ZNF765: variants seen among roughly 807,000 people sequenced by gnomAD.
The protein encoded by ZNF765 is zinc finger protein 765.
Under a neutral mutation model 44.7 loss-of-function variants are expected in ZNF765, and 37 were observed. The ratio of observed to expected loss-of-function variants is 0.83; its 90% confidence interval spans 0.64 to 1.09. ZNF765 has a LOEUF of 1.09. ZNF765 is among the 50% of genes least tolerant of loss of function. The pLI is 0.00. For missense variants in ZNF765, 594 were observed against 626.1 expected (o/e 0.95, Z 0.55); for synonymous variants, 201 against 213.7 (o/e 0.94, Z 0.52).
chr19:53,406,987 T>TA (rs2147096359), intron 3 of ZNF765, among the ~76,000 whole-genome samples: 1 of 152,300 alleles, frequency 6.6e-6, no homozygotes, highest in African/African-American at 2.4e-5. Context: ...TAGGTAATTT[T>TA]ATGACAGTTA....
Position 53,408,847 on chromosome 19 carries a change from T to A in ZNF765, c.1292T>A (p.Leu431His). The part of the protein sequence containing the change: ...NQQLTLNICR[L>H]HSGEKPYKCE... Reference sequence around the variant, plus strand: ...CAGTTAACCCTTAACATTTGTAGACTTCATAGTGGAGAGAAACCTTACAAA... The same window carrying A: ...CAGTTAACCCTTAACATTTGTAGACATCATAGTGGAGAGAAACCTTACAAA... Residue 431 changes from leucine (L) to histidine (H), a missense_variant, in exon 4 of 4, where the codon CTT becomes CAT. This residue lies in a region of ZNF765 where 567 missense variants were observed against 572.6 expected (regional missense o/e 0.99). Transcript: ENST00000396408. 1 of 1,613,932 alleles carries A rather than the reference T, an allele frequency of 6.2e-7. No individual in the cohort carries two copies. The highest frequency in any genetic ancestry group is 8.5e-7 in the Non-Finnish European group (1 of 1,179,958).
intron 3 of ZNF765, among the ~76,000 whole-genome samples, chr19:53,407,098 G>A (rs894591871): frequency 1.3e-5 from 2 of 152,002 alleles, no homozygotes; most frequent in Non-Finnish European, 2.9e-5. Flanking sequence ...TGCAACCTTT[G>A]CCTCTTGGGT....
At chr19:53,400,848 T>C (rs2085718989) in intron 2 of ZNF765, among the ~76,000 whole-genome samples, 1 of 150,616 alleles carries the variant, frequency 6.6e-6, no homozygotes, top group African/African-American at 2.4e-5. Context: ...TTTCTTTTGT[T>C]TTGAGACTGG....
chr19:53,412,986 A>G (rs750823413), downstream of ZNF765, among the ~76,000 whole-genome samples: 1 of 152,172 alleles, frequency 6.6e-6, no homozygotes, highest in Non-Finnish European at 1.5e-5. Context: ...GGCAGATGCC[A>G]GTAATCCCAG....
At chr19:53,418,890 G>A (rs73593166) in intron 3 of ZNF765, among the ~76,000 whole-genome samples, 6,287 of 129,224 alleles carry the variant, frequency 0.049, 282 homozygotes, top group African/African-American at 0.12. Flanking sequence ...GGGCATAAGA[G>A]CGAAACTCCG....
chr19:53,406,040 T>C (rs1209976756), intron 3 of ZNF765, among the ~76,000 whole-genome samples: 3 of 96,320 alleles, frequency 3.1e-5, no homozygotes, highest in Non-Finnish European at 6.7e-5. Context: ...TTTTTTTTTT[T>C]TTTTTTGGAG....
intron 3 of ZNF765, among the ~76,000 whole-genome samples, chr19:53,418,952 C>G (rs960173677): frequency 7.0e-6 from 1 of 142,324 alleles, no homozygotes; most frequent in African/African-American, 2.6e-5. Flanking sequence ...GTGATCACAT[C>G]AAGAAAAGCG....
At chr19:53,413,930 C>A (rs368821057), downstream of ZNF765, among the ~76,000 whole-genome samples, 646 of 79,614 alleles carry the variant, frequency 8.1e-3, no homozygotes, top group South Asian at 0.013. Flanking sequence ...GCTAGAAAGA[C>A]AAAAAAAAAA....
chr19:53,399,082 T>C (rs2085697478), intron 2 of ZNF765, among the ~76,000 whole-genome samples: 1 of 151,726 alleles, frequency 6.6e-6, no homozygotes, highest in African/African-American at 2.4e-5. Context: ...ATATTTTTCT[T>C]TTTTTTAAAA....
chr19:53,419,419 ATTGAAAACATAAGGAGTCTG>A (rs1454028976), intron 3 of ZNF765, among the ~76,000 whole-genome samples: 2 of 152,314 alleles, frequency 1.3e-5, no homozygotes, highest in African/African-American at 4.8e-5. Flanking sequence ...TTGTTTCTCT[ATTGAAAACATAAGGAGTCTG>A]TTGATTATGG....
rs774053654 is a variant in ZNF765 at position 53,409,072 on chromosome 19, A to G, written c.1517A>G (p.Lys506Arg). 2 of 1,614,062 alleles carry G rather than the reference A, an allele frequency of 1.2e-6. No homozygotes were observed. Among genetic ancestry groups the G allele is most frequent in the Admixed American group, 3.3e-5 (2 of 60,014 alleles). ...CEDCDEAFSF[K>R]SNLERHRRIY... ...GATTGTGATGAAGCTTTCAGTTTCAAATCAAACCTTGAAAGACATAGGAGA... is the reference window on the plus strand; with the variant it reads ...GATTGTGATGAAGCTTTCAGTTTCAGATCAAACCTTGAAAGACATAGGAGA... Residue 506 changes from lysine (K) to arginine (R), a missense_variant, in exon 4 of 4, where the codon AAA becomes AGA. Around this residue, in one of 2 missense-constraint regions of ZNF765, gnomAD observed 567 missense variants for 572.6 expected, o/e 0.99. Transcript: ENST00000396408.
At chr19:53,417,922 G>A (rs986830619) in intron 3 of ZNF765, among the ~76,000 whole-genome samples, 3 of 152,100 alleles carry the variant, frequency 2.0e-5, no homozygotes, top group African/African-American at 4.8e-5. Context: ...CGTAGTGTGC[G>A]TTCAGTCCCT....
downstream of ZNF765, among the ~76,000 whole-genome samples, chr19:53,413,774 C>G (rs996607957): frequency 7.3e-5 from 11 of 151,226 alleles, no homozygotes; most frequent in African/African-American, 2.7e-4. Context: ...TTGGAAAAAT[C>G]TACATAAAAC....
downstream of ZNF765, chr19:53,413,132 T>C (rs1180371439): frequency 4.2e-6 from 2 of 481,504 alleles, no homozygotes; most frequent in Admixed American, 5.3e-5. Context: ...AAAAAAGATG[T>C]CAAGCCTCTT....
At position 53,409,519 on chromosome 19, in the gene ZNF765, A is replaced by G; in HGVS notation, c.*392A>G. 9.3e-7 allele frequency: 1 copy of G among 1,076,922 alleles called. No homozygotes were observed. The highest frequency in any genetic ancestry group is 1.4e-6 in the Non-Finnish European group (1 of 699,046). The allele number at this position is 1,076,922 out of a possible 1,614,324, so 66.7% of individuals were successfully genotyped here. A position where few individuals can be genotyped will look rare whatever the true frequency, so the allele number is the denominator to read the frequency against. On this transcript the variant is annotated 3_prime_UTR_variant, in exon 4 of 4. Coordinates refer to ENST00000396408, the MANE Select transcript of ZNF765 (RefSeq NM_001040185.3). ...CCTTACATGCCATTGTAGACTTCGT[A>G]CTGGAGAGAAACCTTACAAATGTGA... is the stretch of plus-strand genomic sequence containing the variant.
chr19:53,398,141 G>C, intron 2 of ZNF765, 111 bp downstream of exon 2: 4 of 1,575,218 alleles, frequency 2.5e-6, no homozygotes, highest in South Asian at 1.1e-5. Flanking sequence ...AGGTTTGCTC[G>C]CACTCACCCA....
rs34443506 is a variant in ZNF765 at position 53,418,910 on chromosome 19, G to GAAAAA, written c.143-4135_143-4131dup. Among the ~76,000 whole-genome samples, 25 of 96,846 alleles carry GAAAAA rather than the reference G, an allele frequency of 2.6e-4. 1 individual carries two copies. The highest frequency in any genetic ancestry group is 3.9e-4 in the South Asian group (1 of 2,556). The allele number at this position is 96,846 out of a possible 152,430, so 63.5% of individuals were successfully genotyped here. A position where few individuals can be genotyped will look rare whatever the true frequency, so the allele number is the denominator to read the frequency against. On this transcript the variant is annotated intron_variant, in intron 3 of 3. Transcript: ENST00000594030. ...TAAGAGCGAAACTCCGTTGTGGGAG[G>GAAAAA]AAAAAAAAAAAAAAAAAAAAAGTCC...
At chr19:53,402,036 C>A (rs1415061036) in intron 2 of ZNF765, 29 bp from the exon 3 acceptor site, 2 of 1,613,884 alleles carry the variant, frequency 1.2e-6, no homozygotes, top group South Asian at 2.2e-5. Context: ...CTCCCATAAC[C>A]ATTTGGTTAA....
chr19:53,418,669 G>C (rs539487145), intron 3 of ZNF765, among the ~76,000 whole-genome samples: 3 of 150,722 alleles, frequency 2.0e-5, no homozygotes, highest in African/African-American at 7.4e-5. Context: ...GGCCAATGGT[G>C]GGGGGGGCGG....
Sources: allele counts gnomAD v4.1 joint callset (sites outside exome capture counted in the v4.1 genomes callset), GRCh38; gene constraint gnomAD v4.1.1; regional missense constraint gnomAD v4.1.1; transcripts MANE v1.5; gene names NCBI Gene and HGNC (gene_info 2026-07-23, HGNC 2026-07-21).